SLC38A2: variants seen among roughly 807,000 people sequenced by gnomAD.
The protein encoded by SLC38A2 is sodium-coupled neutral amino acid symporter 2.
A neutral mutation model predicts 61.5 loss-of-function variants in SLC38A2; 11 were observed. The ratio of observed to expected loss-of-function variants is 0.18; its 90% CI spans 0.11 to 0.30. SLC38A2 has a LOEUF of 0.30. Among genes scored for constraint, SLC38A2 ranks in the 10% least tolerant of loss-of-function variants. The pLI, the probability that SLC38A2 is intolerant of heterozygous loss-of-function variation, is 1.00. For missense variants in SLC38A2, 522 were observed against 600.4 expected, an observed-to-expected ratio of 0.87 and a Z score of 1.36; for synonymous variants, 217 against 212.5, an observed-to-expected ratio of 1.02 and a Z score of -0.18.
At chr12:46,366,505 A>G (rs78737912) in intron 7 of SLC38A2, among the ~76,000 whole-genome samples, 10,382 of 152,180 alleles carry the variant, frequency 0.068, 410 homozygotes, top group African/African-American at 0.085. Flanking sequence ...AGAATTCCAA[A>G]CTTACAAAAA....
chr12:46,358,364 C>CCATTACACTAGATCACATTTTATTT lies in SLC38A2; in HGVS notation c.*2722_*2746dup, dbSNP rs546198315. On this transcript the variant is annotated 3_prime_UTR_variant, in exon 16 of 16. Transcript: ENST00000256689. Reference sequence around the variant, plus strand: ...ATACACCCAGGTTCTCAAAGGTCTTCCATTACACTAGATCACATTTTATTT... The same window carrying CCATTACACTAGATCACATTTTATTT: ...ATACACCCAGGTTCTCAAAGGTCTTCCATTACACTAGATCACATTTTATTTCATTACACTAGATCACATTTTATTT... The CCATTACACTAGATCACATTTTATTT allele has an allele frequency of 6.6e-6, 1 of 152,518 alleles. No individual in the cohort carries two copies. The highest frequency in any genetic ancestry group is 2.4e-5 in the African/African-American group (1 of 41,400). The allele number at this position is 152,518 out of a possible 1,614,324, so 9.4% of individuals were successfully genotyped here. A position where few individuals can be genotyped will look rare whatever the true frequency, so the allele number is the denominator to read the frequency against.
chr12:46,365,295 A>C, intron 7 of SLC38A2, 106 bp from the exon 8 acceptor site: 2 of 900,964 alleles, frequency 2.2e-6, no homozygotes, highest in Non-Finnish European at 3.6e-6. Context: ...AAACAAACAC[A>C]CAAAAAAGAC....
intron 4 of SLC38A2, among the ~76,000 whole-genome samples, chr12:46,367,705 C>A (rs1943153393): frequency 6.6e-6 from 1 of 152,174 alleles, no homozygotes; most frequent in Non-Finnish European, 1.5e-5. Context: ...CACCTTTCTG[C>A]ATTTCAGTAG....
At chr12:46,363,240 C>T (rs762821017) in intron 12 of SLC38A2, 95 bp from the exon 13 acceptor site, 3 of 1,340,672 alleles carry the variant, frequency 2.2e-6, no homozygotes, top group Non-Finnish European at 3.1e-6. Context: ...TATTTAGCTA[C>T]TCACAAAACG....
intron 15 of SLC38A2, 176 bp downstream of exon 15, chr12:46,362,108 C>G (rs1943087717): frequency 5.5e-6 from 3 of 541,874 alleles, no homozygotes; most frequent in South Asian, 5.8e-5. Flanking sequence ...AGATGGCAAA[C>G]TATCTTTCCC....
At chr12:46,364,325 G>A (rs1400587144) in intron 10 of SLC38A2, 64 bp downstream of exon 10, 4 of 1,454,024 alleles carry the variant, frequency 2.8e-6, no homozygotes, top group Admixed American at 4.8e-5. Context: ...TACCCTGGGA[G>A]TGAATAGCTT....
At position 46,372,762 on chromosome 12, in the gene SLC38A2, T is replaced by TGG. The variant is rs1458916651; in HGVS notation, c.-341_-340insCC. ...GGAAAGGCGTTCTAAGGCGGCGGCG[T>TGG]CGCGCGGCTGTGGAGCAGCCCTGCG... On this transcript the variant is annotated 5_prime_UTR_variant, in exon 1 of 16. Coordinates refer to ENST00000256689, the MANE Select transcript of SLC38A2 (RefSeq NM_018976.5). 1 of 398,044 alleles carries TGG rather than the reference T, an allele frequency of 2.5e-6. No individual in the cohort carries two copies. The allele number at this position is 398,044 out of a possible 1,614,324, so 24.7% of individuals were successfully genotyped here. A position where few individuals can be genotyped will look rare whatever the true frequency, so the allele number is the denominator to read the frequency against.
rs1592201796 is a variant in SLC38A2, at chr12:46,361,324, T to C, written c.1423-115A>G. ...TAAAATCTATCCACTATATAATCTA[T>C]AGAAAGAATATTTAACTTGCTAAAT... On this transcript the variant is annotated intron_variant, in intron 15 of 15. Transcript: ENST00000256689. 1.1e-5 allele frequency: 9 copies of C among 822,652 alleles called. No homozygotes were observed. In the East Asian group the frequency reaches 2.4e-4, roughly 22 times the overall value. The allele number at this position is 822,652 out of a possible 1,614,324, so 51.0% of individuals were successfully genotyped here.
intron 1 of SLC38A2, chr12:46,371,591 G>C (rs1178745214): frequency 1.1e-5 from 4 of 360,042 alleles, no homozygotes; most frequent in African/African-American, 8.8e-5. Context: ...GCTGTGTTGC[G>C]GCCGTCGAGG....
At position 46,364,816 on chromosome 12, in the gene SLC38A2, A is replaced by G. The variant is rs551915059; in HGVS notation, c.647-114T>C. ...CTGGGAAGACTTTAGGCACTAAAGT[A>G]TGTGTATAGCACTAAATTTCTAATT... On this transcript the variant is annotated intron_variant, in intron 8 of 15. Coordinates refer to ENST00000256689, the MANE Select transcript of SLC38A2 (RefSeq NM_018976.5). 9.7e-4 allele frequency: 916 copies of G among 942,592 alleles called. 3 individuals carry two copies. Among genetic ancestry groups the G allele is most frequent in the Non-Finnish European group, 1.3e-3 (817 of 613,144 alleles). The allele number at this position is 942,592 out of a possible 1,614,324, so 58.4% of individuals were successfully genotyped here.
chr12:46,367,437 T>C (rs757626834), intron 4 of SLC38A2, 97 bp from the exon 5 acceptor site: 115 of 730,286 alleles, frequency 1.6e-4, no homozygotes, highest in Non-Finnish European at 2.4e-4. Context: ...TGTGTGCAAC[T>C]TGTCCTATTT....
intron 12 of SLC38A2, among the ~76,000 whole-genome samples, chr12:46,363,493 A>C (rs1943105752): frequency 6.6e-6 from 1 of 152,076 alleles, no homozygotes. Flanking sequence ...TATCATACAA[A>C]TATGCCATCA....
chr12:46,370,938 T>C (rs761225169), intron 2 of SLC38A2, 81 bp from the exon 3 acceptor site: 3 of 1,105,248 alleles, frequency 2.7e-6, no homozygotes, highest in Non-Finnish European at 2.7e-6. Flanking sequence ...TAACATAAAA[T>C]ACCCTCCAAC....
intron 8 of SLC38A2, 127 bp downstream of exon 8, chr12:46,364,980 G>A (rs1211461277): frequency 2.2e-6 from 2 of 914,916 alleles, no homozygotes; most frequent in East Asian, 5.0e-5. Flanking sequence ...TTTGCATGCT[G>A]TAAGTCCCAA....
chr12:46,363,208 T>G, intron 12 of SLC38A2, 63 bp from the exon 13 acceptor site: 1 of 1,573,302 alleles, frequency 6.4e-7, no homozygotes, highest in Non-Finnish European at 8.7e-7. Context: ...GTAGAAAATT[T>G]AACAGCAAAA....
chr12:46,363,980 C>G lies in SLC38A2; in HGVS notation c.897G>C (p.Leu299=). The G allele has an allele frequency of 1.9e-6, 3 of 1,611,728 alleles. No individual in the cohort carries two copies. In the African/African-American group the frequency reaches 4.0e-5, roughly 22 times the overall value. ...CAGGATGACAGACAAATGAAAAGAT[C>G]AGAATTGGCACAGCATAGACAGTCT... ...NSQTVYAVPI[L]IFSFVCHPAV... Residue 299 remains leucine, a synonymous_variant, in exon 11 of 16, where the codon CTG becomes CTC. Transcript: ENST00000256689.
chr12:46,369,903 G>A (rs2897968), intron 4 of SLC38A2, among the ~76,000 whole-genome samples: 105,893 of 152,024 alleles, frequency 0.7, 38,355 homozygotes, highest in African/African-American at 0.9. Flanking sequence ...ACTTACTAAA[G>A]TATTCATTTT....
At chr12:46,362,761 T>A in intron 13 of SLC38A2, 123 bp from the exon 14 acceptor site, 1 of 1,133,224 alleles carries the variant, frequency 8.8e-7, no homozygotes, top group Non-Finnish European at 1.2e-6. Context: ...AGTAACTATT[T>A]CTAAATAAAA....
chr12:46,362,422 C>CACT (rs1565826959), intron 14 of SLC38A2, 41 bp from the exon 15 acceptor site: 3 of 1,596,040 alleles, frequency 1.9e-6, no homozygotes, highest in Non-Finnish European at 2.6e-6. Flanking sequence ...TTCAATGAAC[C>CACT]ACTCGTCATT....
Sources: allele counts gnomAD v4.1 joint callset (sites outside exome capture counted in the v4.1 genomes callset), GRCh38; gene constraint gnomAD v4.1.1; transcripts MANE v1.5; gene names NCBI Gene and HGNC (gene_info 2026-07-23, HGNC 2026-07-21).